MPP2: variants seen among roughly 807,000 people sequenced by gnomAD.
MPP2 encodes MAGUK p55 scaffold protein 2, also known as MAGUK p55 subfamily member 2.
In MPP2, 42 loss-of-function variants were observed where a neutral mutation model predicts 58.5. The observed-to-expected ratio is 0.72, with a 90% CI of 0.56 to 0.93. The LOEUF (loss-of-function observed/expected upper bound fraction) is 0.93. MPP2 is among the 40% of genes least tolerant of loss of function. MPP2 has a pLI of 0.00. For synonymous variants in MPP2, 300 were observed against 307.8 expected (o/e 0.97, Z 0.26); for missense variants, 632 against 760.4 (o/e 0.83, Z 1.99).
chr17:43,881,415 C>G (rs1469723767), intron 7 of MPP2, 43 bp downstream of exon 7: 2 of 1,613,996 alleles, frequency 1.2e-6, no homozygotes, highest in African/African-American at 2.7e-5. Context: ...CTCGCCCTCC[C>G]ATGCACCATA....
In MPP2 at chr17:43,880,999, C is replaced by T. The variant is rs1418208736; in HGVS notation, c.988+91G>A. On this transcript the variant is annotated intron_variant, in intron 9 of 12. Coordinates refer to ENST00000269095, the MANE Select transcript of MPP2 (RefSeq NM_005374.5). The surrounding 1 kb of genome is among the most constrained non-coding windows in gnomAD (Gnocchi z 5.2). ...AGGGACACGGCTGGCAGCATCTGAG[C>T]CAGGCACACGTCGTCACAGGTGATG... 6.5e-7 allele frequency: 1 copy of T among 1,543,608 alleles called. No homozygotes were observed. Among genetic ancestry groups the T allele is most frequent in the East Asian group, 2.2e-5 (1 of 44,532 alleles).
intron 3 of MPP2, among the ~76,000 whole-genome samples, chr17:43,889,969 C>A (rs1417395019): frequency 1.3e-5 from 2 of 151,832 alleles, no homozygotes; most frequent in Admixed American, 6.6e-5. Context: ...TGCACCACCA[C>A]GCCTGGCTAA....
chr17:43,894,542 G>C (rs936812900), intron 3 of MPP2, among the ~76,000 whole-genome samples: 25 of 145,030 alleles, frequency 1.7e-4, no homozygotes, highest in African/African-American at 6.1e-4. Context: ...GCTTCAACTT[G>C]GGAGGTGGAG....
At chr17:43,898,727 C>A (rs2047961014) in intron 2 of MPP2, among the ~76,000 whole-genome samples, 1 of 152,238 alleles carries the variant, frequency 6.6e-6, no homozygotes, top group Non-Finnish European at 1.5e-5. Context: ...CAGAAAACCA[C>A]AAGCTGTTGG....
intron 1 of MPP2, among the ~76,000 whole-genome samples, chr17:43,904,977 A>G (rs986593997): frequency 6.6e-6 from 1 of 151,952 alleles, no homozygotes; most frequent in Non-Finnish European, 1.5e-5. Context: ...GGAGTTTGAG[A>G]CCCACCTGGG....
chr17:43,887,034 G>A (rs1273073978), intron 3 of MPP2, among the ~76,000 whole-genome samples: 1 of 135,410 alleles, frequency 7.4e-6, no homozygotes, highest in African/African-American at 2.8e-5. Context: ...GACTCTGCTT[G>A]TGGTGTTTTT....
At chr17:43,906,361 G>A (rs959282929) in intron 1 of MPP2, among the ~76,000 whole-genome samples, 2 of 152,184 alleles carry the variant, frequency 1.3e-5, no homozygotes, top group Admixed American at 6.5e-5. Context: ...AGCTAGCCTG[G>A]CTCCGTGCCA....
chr17:43,907,798 A>G (rs1321052663), upstream of MPP2: 1 of 985,446 alleles, frequency 1.0e-6, no homozygotes, highest in Non-Finnish European at 1.2e-6. Flanking sequence ...TCGGCTCCCA[A>G]GGATCCCTTA....
At chr17:43,898,213 G>A in intron 3 of MPP2, 49 bp downstream of exon 3, 2 of 1,408,328 alleles carry the variant, frequency 1.4e-6, no homozygotes, top group Non-Finnish European at 2.0e-6. Context: ...CCCCTACTGT[G>A]CCTCCCCAAG....
At position 43,879,688 on chromosome 17, in the gene MPP2, G is replaced by A. The variant is rs1037170394; in HGVS notation, c.1353+94C>T. On this transcript the variant is annotated intron_variant, in intron 11 of 12. Coordinates refer to ENST00000269095, the MANE Select transcript of MPP2 (RefSeq NM_005374.5). The surrounding 1 kb of genome is among the most constrained non-coding windows in gnomAD (Gnocchi z 4.1). ...TTGAGGGCAAAGGGGGTACATGGGCGTGTTCAGGTGACAGGTGTCTGGAAC... is the reference window on the plus strand; with the variant it reads ...TTGAGGGCAAAGGGGGTACATGGGCATGTTCAGGTGACAGGTGTCTGGAAC... 11 of 1,391,280 alleles carry A rather than the reference G, an allele frequency of 7.9e-6. No individual in the cohort carries two copies. In the Admixed American group the frequency reaches 1.5e-4, roughly 19 times the overall value. 86.2% of individuals were successfully genotyped at this position (1,391,280 alleles called of 1,614,324 possible).
intron 2 of MPP2, chr17:43,900,653 G>A: frequency 9.1e-6 from 13 of 1,429,722 alleles, no homozygotes; most frequent in South Asian, 1.5e-5. Context: ...GGGAGTCGAG[G>A]AGCGCCCTCT....
At chr17:43,881,907 C>T (rs1247157291) in intron 6 of MPP2, among the ~76,000 whole-genome samples, 1 of 152,138 alleles carries the variant, frequency 6.6e-6, no homozygotes, top group Non-Finnish European at 1.5e-5. Context: ...GCGAGAGACC[C>T]AATAGGATAG....
At chr17:43,886,345 C>G (rs1433790574) in intron 3 of MPP2, among the ~76,000 whole-genome samples, 1 of 151,292 alleles carries the variant, frequency 6.6e-6, no homozygotes, top group Non-Finnish European at 1.5e-5. Context: ...AGTGCAGTGG[C>G]GCGATCTCAG....
chr17:43,883,125 C>T, intron 4 of MPP2, 73 bp from the exon 5 acceptor site: 1 of 1,556,836 alleles, frequency 6.4e-7, no homozygotes, highest in Non-Finnish European at 8.7e-7. Flanking sequence ...ATCCAACTTC[C>T]TGCTGGCCCA....
At chr17:43,887,742 G>A (rs1056055941) in intron 3 of MPP2, among the ~76,000 whole-genome samples, 2 of 151,976 alleles carry the variant, frequency 1.3e-5, no homozygotes, top group Admixed American at 1.3e-4. Context: ...AGGAGTTCAA[G>A]ACAGCAAGAC....
chr17:43,890,230 A>G (rs1186060867), intron 3 of MPP2, among the ~76,000 whole-genome samples: 6 of 152,080 alleles, frequency 3.9e-5, no homozygotes, highest in Non-Finnish European at 8.8e-5. Context: ...TTTACTCACT[A>G]TTATTTTGCT....
chr17:43,887,812 G>T lies in MPP2; in HGVS notation c.151-4457C>A, dbSNP rs1179886046. Among the ~76,000 whole-genome samples the T allele has an allele frequency of 2.4e-4, 12 of 50,288 alleles. No homozygotes were observed. The East Asian group carries it at 0.25, about 1,048-fold the overall frequency. The allele number at this position is 50,288 out of a possible 152,430, so 33.0% of individuals were successfully genotyped here. On this transcript the variant is annotated intron_variant, in intron 3 of 12. Coordinates refer to ENST00000269095, the MANE Select transcript of MPP2 (RefSeq NM_005374.5). ...AAAATTCAAAAGAAAACTATTGTTT[G>T]ATTTTTTTTTTAGGTGTGACAATAG...
upstream of MPP2, chr17:43,907,825 AG>A: frequency 1.0e-6 from 1 of 985,450 alleles, no homozygotes; most frequent in Middle Eastern, 5.2e-4. Context: ...CGATGGTAAA[AG>A]TGCCTAATGA....
Position 43,879,760 on chromosome 17 carries a change from G to A in MPP2, c.1353+22C>T. The A allele has an allele frequency of 6.2e-7, 1 of 1,612,068 alleles. No individual in the cohort carries two copies. Among genetic ancestry groups the A allele is most frequent in the Admixed American group, 1.7e-5 (1 of 60,000 alleles). On this transcript the variant is annotated intron_variant, in intron 11 of 12. Transcript: ENST00000269095. This position sits in a 1 kb window ranked among gnomAD's most constrained non-coding sequence, Gnocchi z 4.1. ...AGCAGAGAGGACATTGGGCAGGCTG[G>A]GAAGGAGCAGAGTGGCGGTACCTGG...
Sources: allele counts gnomAD v4.1 joint callset (sites outside exome capture counted in the v4.1 genomes callset), GRCh38; gene constraint gnomAD v4.1.1; non-coding constraint Gnocchi (gnomAD v3.1); transcripts MANE v1.5; gene names NCBI Gene and HGNC (gene_info 2026-07-23, HGNC 2026-07-21).